PHF24: variants seen among roughly 807,000 people sequenced by gnomAD.
The protein encoded by PHF24 is Galpha inhibitory interacting protein.
A neutral mutation model predicts 42.6 loss-of-function variants in PHF24; 25 were observed. The observed-to-expected ratio is 0.59, with a 90% confidence interval of 0.43 to 0.82. The LOEUF is 0.82. Ranked by LOEUF, PHF24 falls within the 40% of genes least tolerant of loss-of-function variation. PHF24 has a pLI of 0.00. For synonymous variants in PHF24, 185 were observed against 204.8 expected, an observed-to-expected ratio of 0.90 and a Z score of 0.83; for missense variants, 470 against 538.1, an observed-to-expected ratio of 0.87 and a Z score of 1.25.
the PHF24 span, among the ~76,000 whole-genome samples, chr9:34,846,244 C>T: frequency 6.6e-6 from 1 of 152,232 alleles, no homozygotes; most frequent in Non-Finnish European, 1.5e-5. Flanking sequence ...TATTTCTCCA[C>T]ATCCTCTCCA....
chr9:34,865,927 CA>C, the PHF24 span, among the ~76,000 whole-genome samples: 1 of 152,210 alleles, frequency 6.6e-6, no homozygotes, highest in African/African-American at 2.4e-5. Flanking sequence ...AAAGTGTGAA[CA>C]CAAGGCAATA....
chr9:34,799,257 T>C, the PHF24 span, among the ~76,000 whole-genome samples: 1 of 152,202 alleles, frequency 6.6e-6, no homozygotes, highest in Admixed American at 6.5e-5. Context: ...GGCTTTGACA[T>C]AATCCTGTAT....
chr9:34,681,396 A>G, the PHF24 span: 4 of 118,252 alleles, frequency 3.4e-5, no homozygotes, highest in Non-Finnish European at 6.7e-5. Flanking sequence ...TGTCACCCCA[A>G]TATCTTGGAT....
chr9:34,905,117 A>G, the PHF24 span, among the ~76,000 whole-genome samples: 1 of 152,194 alleles, frequency 6.6e-6, no homozygotes, highest in East Asian at 1.9e-4. Context: ...GATCCATCCC[A>G]AAGAAACCAC....
the PHF24 span, among the ~76,000 whole-genome samples, chr9:34,904,798 G>GGAACCAATT: frequency 8.6e-6 from 1 of 115,898 alleles, no homozygotes; most frequent in African/African-American, 3.3e-5. Context: ...CAAAAGGATT[G>GGAACCAATT]CTTGTTAGTG....
At chr9:34,942,764 A>G in the PHF24 span, among the ~76,000 whole-genome samples, 1 of 152,150 alleles carries the variant, frequency 6.6e-6, no homozygotes, top group Admixed American at 6.5e-5. Context: ...AAAACCAGAC[A>G]TGGCATGTTC....
chr9:34,913,575 A>G, the PHF24 span, among the ~76,000 whole-genome samples: 1 of 152,236 alleles, frequency 6.6e-6, no homozygotes, highest in Non-Finnish European at 1.5e-5. Context: ...GAATTCTAAA[A>G]TTAAACCTAG....
the PHF24 span, among the ~76,000 whole-genome samples, chr9:34,758,200 G>A: frequency 3.3e-5 from 5 of 152,158 alleles, no homozygotes; most frequent in Non-Finnish European, 1.5e-5. The surrounding 1 kb of genome is among the most constrained non-coding windows in gnomAD (Gnocchi z 4.4). Context: ...GCCCTGCAGG[G>A]ATGTTTCTCA....
At chr9:34,686,204 A>G in the PHF24 span, among the ~76,000 whole-genome samples, 7 of 152,196 alleles carry the variant, frequency 4.6e-5, no homozygotes, top group Non-Finnish European at 1.0e-4. Flanking sequence ...AAATTTCCCA[A>G]TTAGGAGTCC....
the PHF24 span, among the ~76,000 whole-genome samples, chr9:34,912,715 C>T: frequency 6.6e-6 from 1 of 152,340 alleles, no homozygotes; most frequent in East Asian, 1.9e-4. Context: ...ACAGGGTTAA[C>T]TTCCTGCTAA....
the PHF24 span, among the ~76,000 whole-genome samples, chr9:34,859,931 A>G: frequency 6.6e-6 from 1 of 151,946 alleles, no homozygotes; most frequent in Non-Finnish European, 1.5e-5. Context: ...CTTTTCTCCC[A>G]TGCATATATC....
At chr9:34,719,278 A>T in the PHF24 span, among the ~76,000 whole-genome samples, 1 of 152,180 alleles carries the variant, frequency 6.6e-6, no homozygotes, top group Non-Finnish European at 1.5e-5. Flanking sequence ...ACCTCAAGTG[A>T]TCCACCCGCC....
the PHF24 span, chr9:34,837,845 A>ACTTTG: frequency 1.6e-6 from 1 of 626,820 alleles, no homozygotes; most frequent in Non-Finnish European, 2.8e-6. Context: ...TGCCTATTCC[A>ACTTTG]CCTTTTTACT....
chr9:34,839,752 A>G, the PHF24 span, among the ~76,000 whole-genome samples: 1 of 152,188 alleles, frequency 6.6e-6, no homozygotes, highest in East Asian at 1.9e-4. Flanking sequence ...GACACTTAAA[A>G]ATCTAGTTTC....
At chr9:34,708,663 A>G in the PHF24 span, among the ~76,000 whole-genome samples, 1 of 152,188 alleles carries the variant, frequency 6.6e-6, no homozygotes, top group South Asian at 2.1e-4. Context: ...AGCCTCTGGG[A>G]TATCTGGGGA....
the PHF24 span, among the ~76,000 whole-genome samples, chr9:34,908,566 G>A: frequency 7.2e-5 from 11 of 152,180 alleles, no homozygotes; most frequent in Non-Finnish European, 1.3e-4. Context: ...CTGAGAAGAT[G>A]ATATTGGAGC....
the PHF24 span, among the ~76,000 whole-genome samples, chr9:34,801,216 A>T: frequency 6.6e-6 from 1 of 152,238 alleles, no homozygotes; most frequent in African/African-American, 2.4e-5. Context: ...TGTTAGTTCA[A>T]CCATTGTGGA....
chr9:34,976,433 A>T, intron 4 of PHF24, 102 bp from the exon 5 acceptor site: 1 of 1,261,180 alleles, frequency 7.9e-7, no homozygotes, highest in Non-Finnish European at 1.1e-6. Flanking sequence ...GAGACTTAGC[A>T]AGAGCTGTGG....
the PHF24 span, among the ~76,000 whole-genome samples, chr9:34,719,479 G>T: frequency 6.6e-6 from 1 of 152,228 alleles, no homozygotes; most frequent in Non-Finnish European, 1.5e-5. Flanking sequence ...TCAGCATCCT[G>T]CATGAATCAT....
Sources: gnomAD v4.1 joint callset for allele counts (sites outside exome capture counted in the v4.1 genomes callset) on GRCh38, gnomAD v4.1.1 for gene constraint, Gnocchi (gnomAD v3.1) non-coding constraint, MANE v1.5 for transcripts, NCBI Gene and HGNC (gene_info 2026-07-23, HGNC 2026-07-21) for gene names.